ARHGAP10: variants seen among roughly 807,000 people sequenced by gnomAD.
The protein encoded by ARHGAP10 is Rho GTPase activating protein 10.
Under a neutral mutation model 108.6 loss-of-function variants are expected in ARHGAP10, and 87 were observed. The ratio of observed to expected loss-of-function variants is 0.80; its 90% CI spans 0.67 to 0.96. The LOEUF is 0.96. ARHGAP10 is among the 40% of genes least tolerant of loss of function. ARHGAP10 has a pLI of 0.00. For missense variants in ARHGAP10, 939 were observed against 954.5 expected (o/e 0.98, Z 0.21); for synonymous variants, 347 against 341.1 (o/e 1.02, Z -0.19).
intron 12 of ARHGAP10, 59 bp downstream of exon 12, chr4:147,909,836 C>A: frequency 6.6e-7 from 1 of 1,510,106 alleles, no homozygotes. Flanking sequence ...ACTTTGTGTA[C>A]ATTATGCATG....
intron 14 of ARHGAP10, among the ~76,000 whole-genome samples, chr4:147,940,887 G>A (rs1738143042): frequency 6.6e-6 from 1 of 152,184 alleles, no homozygotes. Context: ...AGGAGAAATT[G>A]CCCGTCATCA....
chr4:147,936,340 G>A (rs1353092372), intron 13 of ARHGAP10, among the ~76,000 whole-genome samples: 1 of 5,806 alleles, frequency 1.7e-4, no homozygotes, highest in South Asian at 4.3e-3. Flanking sequence ...TTTTTTTTTT[G>A]AGATGGAGTC....
chr4:148,064,600 CG>C, intron 22 of ARHGAP10, 93 bp downstream of exon 22: 1 of 1,152,186 alleles, frequency 8.7e-7, no homozygotes, highest in Non-Finnish European at 1.3e-6. Flanking sequence ...GTGCTGTTGT[CG>C]GGAGGGCGAG....
intron 1 of ARHGAP10, among the ~76,000 whole-genome samples, chr4:147,755,203 T>G (rs1281682055): frequency 1.3e-5 from 2 of 152,240 alleles, no homozygotes; most frequent in African/African-American, 4.8e-5. Context: ...AAGTTTTTGT[T>G]ATTTTAAGAA....
At chr4:147,829,279 C>T (rs1192845606) in intron 3 of ARHGAP10, among the ~76,000 whole-genome samples, 1 of 151,992 alleles carries the variant, frequency 6.6e-6, no homozygotes, top group Non-Finnish European at 1.5e-5. Flanking sequence ...GTCTCGATCT[C>T]CTGACCTTGT....
At chr4:148,022,779 G>A (rs1327873854) in intron 18 of ARHGAP10, among the ~76,000 whole-genome samples, 1 of 152,164 alleles carries the variant, frequency 6.6e-6, no homozygotes, top group Admixed American at 6.5e-5. Context: ...AAGCTAGAAA[G>A]GTAATTTCAT....
chr4:147,851,877 C>G (rs1266673700), intron 4 of ARHGAP10, among the ~76,000 whole-genome samples: 1 of 152,132 alleles, frequency 6.6e-6, no homozygotes, highest in Non-Finnish European at 1.5e-5. Context: ...CTTTGGAGCA[C>G]CAGAAAGTCT....
chr4:148,022,077 CACT>C (rs1483123112), intron 18 of ARHGAP10, among the ~76,000 whole-genome samples: 1 of 152,158 alleles, frequency 6.6e-6, no homozygotes, highest in East Asian at 1.9e-4. Context: ...GATATACCCT[CACT>C]TGTATCGAAG....
chr4:147,828,126 G>GT (rs1312871271), intron 3 of ARHGAP10, among the ~76,000 whole-genome samples: 1 of 152,100 alleles, frequency 6.6e-6, no homozygotes, highest in Non-Finnish European at 1.5e-5. Flanking sequence ...AAAGCAATTA[G>GT]TTTAGTATTT....
chr4:147,917,814 A>G (rs573154508), intron 13 of ARHGAP10, among the ~76,000 whole-genome samples: 61 of 151,014 alleles, frequency 4.0e-4, no homozygotes, highest in Non-Finnish European at 7.4e-4. Flanking sequence ...TCTCATTTTG[A>G]TTAATTTATC....
At chr4:147,796,448 T>C (rs1731320666) in intron 1 of ARHGAP10, among the ~76,000 whole-genome samples, 1 of 152,204 alleles carries the variant, frequency 6.6e-6, no homozygotes, top group Admixed American at 6.5e-5. Flanking sequence ...GAGCTTCCTC[T>C]TAGAGGAGGT....
chr4:147,954,969 T>C (rs1738733989), intron 15 of ARHGAP10, among the ~76,000 whole-genome samples: 1 of 152,072 alleles, frequency 6.6e-6, no homozygotes, highest in South Asian at 2.1e-4. Context: ...TTTGCTTACA[T>C]TTGGTTAGAT....
chr4:147,906,523 A>G lies in ARHGAP10; in HGVS notation c.1035-115A>G, dbSNP rs1736501171. On this transcript the variant is annotated intron_variant, in intron 10 of 22. Coordinates refer to ENST00000336498, the MANE Select transcript of ARHGAP10 (RefSeq NM_024605.4). ...GTTAAGATGATAAATTTTAGGTTAC[A>G]TGTATTTTACCACAGATAAAAGTAA... 7.7e-6 allele frequency: 7 copies of G among 907,282 alleles called. No homozygotes were observed. The South Asian group carries it at 1.1e-4, about 15-fold the overall frequency. The allele number at this position is 907,282 out of a possible 1,614,324, so 56.2% of individuals were successfully genotyped here. A position where few individuals can be genotyped will look rare whatever the true frequency, so the allele number is the denominator to read the frequency against.
At chr4:147,828,066 G>A (rs1208009349) in intron 3 of ARHGAP10, among the ~76,000 whole-genome samples, 1 of 152,134 alleles carries the variant, frequency 6.6e-6, no homozygotes, top group Non-Finnish European at 1.5e-5. Context: ...TTCACCCAAA[G>A]TGCTGGGATT....
chr4:147,768,584 G>A (rs972151835), intron 1 of ARHGAP10, among the ~76,000 whole-genome samples: 1 of 151,784 alleles, frequency 6.6e-6, no homozygotes, highest in African/African-American at 2.4e-5. Flanking sequence ...TGAACATAAT[G>A]AAATAATTGT....
intron 1 of ARHGAP10, among the ~76,000 whole-genome samples, chr4:147,750,623 T>C (rs569949256): frequency 6.8e-6 from 1 of 146,884 alleles, no homozygotes; most frequent in East Asian, 2.0e-4. Context: ...TTGGGGGGGG[T>C]TGTAATCTCA....
At position 147,956,738 on chromosome 4, in the gene ARHGAP10, TTTTTTTTTTTCC is replaced by T. The variant is rs1203043465; in HGVS notation, c.1450+1375_1450+1386del. ...AAGATAAAGTGATTATGGAATAAGG[TTTTTTTTTTTCC>T]TTTTTTTTTTTCTTTTATTATTATA... is the stretch of plus-strand genomic sequence containing the variant. On this transcript the variant is annotated intron_variant, in intron 16 of 22. Transcript: ENST00000336498. Among the ~76,000 whole-genome samples, 528 of 142,192 alleles carry T rather than the reference TTTTTTTTTTTCC, an allele frequency of 3.7e-3. 2 individuals are homozygous for T. The highest frequency in any genetic ancestry group is 0.014 in the African/African-American group (505 of 36,526). The allele number at this position is 142,192 out of a possible 152,430, so 93.3% of individuals were successfully genotyped here.
At chr4:147,920,996 C>G (rs894219542) in intron 13 of ARHGAP10, among the ~76,000 whole-genome samples, 1 of 152,182 alleles carries the variant, frequency 6.6e-6, no homozygotes, top group African/African-American at 2.4e-5. Context: ...GAAGGTGATA[C>G]GTAGCAAAGA....
At chr4:148,062,505 G>T (rs1055864460) in intron 20 of ARHGAP10, among the ~76,000 whole-genome samples, 1 of 152,110 alleles carries the variant, frequency 6.6e-6, no homozygotes, top group Non-Finnish European at 1.5e-5. Context: ...AGATTAACAC[G>T]CATCAATTAT....
Sources: gnomAD v4.1 joint callset for allele counts (sites outside exome capture counted in the v4.1 genomes callset) on GRCh38, gnomAD v4.1.1 for gene constraint, MANE v1.5 for transcripts, NCBI Gene and HGNC (gene_info 2026-07-23, HGNC 2026-07-21) for gene names.